Variants in NTNG1 observed in about 807,000 individuals in gnomAD.
NTNG1 encodes netrin-G1.
NTNG1 carries 16 observed loss-of-function variants against 54.0 expected under a neutral mutation model. That is an observed-to-expected ratio of 0.30 (90% CI 0.20 to 0.45). The LOEUF (loss-of-function observed/expected upper bound fraction) is 0.45, where lower values mean the gene tolerates loss of function less well. Ranked by LOEUF, NTNG1 falls within the 20% of genes least tolerant of loss-of-function variation. The pLI is 1.00. For synonymous variants in NTNG1, 255 were observed against 263.1 expected (o/e 0.97, Z 0.30); for missense variants, 530 against 678.7 (o/e 0.78, Z 2.43).
intron 2 of NTNG1, among the ~76,000 whole-genome samples, chr1:107,175,067 G>T (rs6681613): frequency 2.0e-5 from 3 of 152,034 alleles, no homozygotes; most frequent in Non-Finnish European, 4.4e-5. Context: ...CTTCAAATTC[G>T]GTTAGTGCTT....
At chr1:107,443,763 T>C (rs534927683) in intron 7 of NTNG1, among the ~76,000 whole-genome samples, 6 of 152,120 alleles carry the variant, frequency 3.9e-5, no homozygotes, top group African/African-American at 1.4e-4. Context: ...TCACTACAAG[T>C]TGGTCTCATC....
At chr1:107,184,659 A>G (rs1293307496) in intron 2 of NTNG1, among the ~76,000 whole-genome samples, 1 of 152,084 alleles carries the variant, frequency 6.6e-6, no homozygotes. Flanking sequence ...TTTTTCTACC[A>G]TGGGCTTCCA....
chr1:107,410,803 T>C (rs1196372661), intron 5 of NTNG1, among the ~76,000 whole-genome samples: 3 of 152,180 alleles, frequency 2.0e-5, no homozygotes, highest in Admixed American at 6.6e-5. Context: ...TATCATATGA[T>C]CTTTGGTCCT....
intron 3 of NTNG1, among the ~76,000 whole-genome samples, chr1:107,386,625 A>C (rs1005490451): frequency 6.6e-6 from 1 of 152,126 alleles, no homozygotes; most frequent in African/African-American, 2.4e-5. Flanking sequence ...AATTTTGTTT[A>C]TCTATTCATC....
chr1:107,205,639 T>C (rs12119229), intron 2 of NTNG1, among the ~76,000 whole-genome samples: 6,793 of 152,160 alleles, frequency 0.045, 154 homozygotes, highest in Non-Finnish European at 0.052. Context: ...AAAAAAACTA[T>C]ATAATCCGTC....
At chr1:107,394,772 G>A (rs541879039) in intron 3 of NTNG1, among the ~76,000 whole-genome samples, 164 of 152,212 alleles carry the variant, frequency 1.1e-3, no homozygotes, top group African/African-American at 3.8e-3. Flanking sequence ...AAACCCAAAC[G>A]AAGCCCAGAT....
intron 3 of NTNG1, among the ~76,000 whole-genome samples, chr1:107,343,117 T>C (rs1669000995): frequency 6.6e-6 from 1 of 152,226 alleles, no homozygotes; most frequent in East Asian, 1.9e-4. Flanking sequence ...TGTTGTCACA[T>C]AGCTTCCTAA....
chr1:107,299,339 TA>T (rs774262696), intron 2 of NTNG1, among the ~76,000 whole-genome samples: 17 of 152,166 alleles, frequency 1.1e-4, no homozygotes, highest in Non-Finnish European at 2.2e-4. Flanking sequence ...AAGTATAAAA[TA>T]AAAATTGTAA....
chr1:107,308,441 T>C (rs957849482), intron 2 of NTNG1, among the ~76,000 whole-genome samples: 1 of 152,164 alleles, frequency 6.6e-6, no homozygotes, highest in Non-Finnish European at 1.5e-5. Context: ...TTGTCAGCTG[T>C]GGCAAAGATC....
chr1:107,307,391 G>A (rs1666755256), intron 2 of NTNG1, among the ~76,000 whole-genome samples: 1 of 152,176 alleles, frequency 6.6e-6, no homozygotes, highest in South Asian at 2.1e-4. Context: ...TAGTGATGAT[G>A]ATGATGATGC....
At chr1:107,299,365 G>A (rs1353139659) in intron 2 of NTNG1, among the ~76,000 whole-genome samples, 2 of 152,184 alleles carry the variant, frequency 1.3e-5, no homozygotes, top group Admixed American at 6.6e-5. Flanking sequence ...AAAGCATTAT[G>A]TCATAGTTTA....
At chr1:107,336,541 A>C (rs1668590142) in intron 3 of NTNG1, among the ~76,000 whole-genome samples, 1 of 152,046 alleles carries the variant, frequency 6.6e-6, no homozygotes, top group Non-Finnish European at 1.5e-5. Flanking sequence ...ACAAAGGAAG[A>C]AAACTTCATG....
intron 1 of NTNG1, among the ~76,000 whole-genome samples, chr1:107,142,416 C>T (rs1344219157): frequency 6.6e-6 from 1 of 151,322 alleles, no homozygotes; most frequent in Admixed American, 6.6e-5. Context: ...TTGGAAAAGT[C>T]GCAGGTTGAG....
At chr1:107,479,182 A>G (rs1678531191) in intron 7 of NTNG1, among the ~76,000 whole-genome samples, 1 of 152,216 alleles carries the variant, frequency 6.6e-6, no homozygotes, top group Non-Finnish European at 1.5e-5. Flanking sequence ...GAAGGCAGTA[A>G]AACAGTGGTC....
Position 107,430,761 on chromosome 1 carries a change from T to A in NTNG1, c.1099T>A (p.Phe367Ile). Residue 367 changes from phenylalanine to isoleucine, a missense_variant, in exon 6 of 8, where the codon TTC becomes ATC. Phe to Ile is a conservative substitution (Grantham distance 21). This residue lies in a region of NTNG1 where 318 missense variants were observed against 465.1 expected (regional missense o/e 0.68). Transcript: ENST00000370068. ...TTCTTCCTTGCAAGATTGTGAATGC[T>A]TCGGCCACTCCAATCGATGCAGTTA... ...SISSIGNCEC[F>I]GHSNRCSYID... 6.2e-7 allele frequency: 1 copy of A among 1,613,292 alleles called. No individual in the cohort carries two copies. The highest frequency in any genetic ancestry group is 8.5e-7 in the Non-Finnish European group (1 of 1,179,554).
At position 107,484,880 on chromosome 1, in the gene NTNG1, T is replaced by G. The variant is rs1180023770; in HGVS notation, c.*4040T>G. ...ACTTTACCGGTTGTTAAACACTAAA[T>G]AAAATACCTGTTTAACAGATTCTCT... On this transcript the variant is annotated 3_prime_UTR_variant, in exon 8 of 8. Coordinates refer to ENST00000370068, the MANE Select transcript of NTNG1 (RefSeq NM_001113226.3). 6.6e-6 allele frequency among the ~76,000 whole-genome samples: 1 copy of G among 152,202 alleles called. No individual in the cohort carries two copies. Among genetic ancestry groups the G allele is most frequent in the Non-Finnish European group, 1.5e-5 (1 of 68,022 alleles).
intron 2 of NTNG1, among the ~76,000 whole-genome samples, chr1:107,213,859 A>G (rs1268390805): frequency 6.6e-6 from 1 of 152,160 alleles, no homozygotes; most frequent in Non-Finnish European, 1.5e-5. Context: ...TTTTGCATGC[A>G]TTCTTAACCT....
chr1:107,385,675 T>C (rs1671919472), intron 3 of NTNG1, among the ~76,000 whole-genome samples: 2 of 152,032 alleles, frequency 1.3e-5, no homozygotes, highest in South Asian at 4.2e-4. Flanking sequence ...ACAACCCCTT[T>C]TGTAGGTATC....
intron 2 of NTNG1, among the ~76,000 whole-genome samples, chr1:107,315,515 C>T (rs1667285869): frequency 1.3e-5 from 2 of 152,168 alleles, no homozygotes; most frequent in African/African-American, 2.4e-5. Flanking sequence ...ATCCCCTTCA[C>T]TTCCCTCTAG....
Sources: gnomAD v4.1 joint callset for allele counts (sites outside exome capture counted in the v4.1 genomes callset) on GRCh38, gnomAD v4.1.1 for gene constraint, gnomAD v4.1.1 regional missense constraint, MANE v1.5 for transcripts, NCBI Gene and HGNC (gene_info 2026-07-23, HGNC 2026-07-21) for gene names.